Variants in ERICH5 observed in about 807,000 individuals in gnomAD.
ERICH5 encodes glutamate rich 5.
ERICH5 carries 24 observed loss-of-function variants against 28.0 expected under a neutral mutation model. The ratio of observed to expected loss-of-function variants is 0.86; its 90% CI spans 0.62 to 1.21. The LOEUF is 1.21. Among genes scored for constraint, ERICH5 ranks in the 50% most tolerant of loss-of-function variants. ERICH5 has a pLI of 0.00. For missense variants in ERICH5, 421 were observed against 441.2 expected, an observed-to-expected ratio of 0.95 and a Z score of 0.41; for synonymous variants, 163 against 157.6, an observed-to-expected ratio of 1.03 and a Z score of -0.25.
At chr8:98,073,806 G>A (rs1005272241) in intron 1 of ERICH5, among the ~76,000 whole-genome samples, 7 of 151,232 alleles carry the variant, frequency 4.6e-5, no homozygotes, top group African/African-American at 9.7e-5. Context: ...GCCTCCCAAA[G>A]TGTTGGGATT....
intron 1 of ERICH5, among the ~76,000 whole-genome samples, chr8:98,075,984 G>C (rs1040355399): frequency 6.6e-6 from 1 of 151,692 alleles, no homozygotes; most frequent in Non-Finnish European, 1.5e-5. Context: ...GACCGAACCT[G>C]GCAAGCAGCC....
Position 98,068,057 on chromosome 8 carries a change from A to G in ERICH5, c.58+3330A>G, listed in dbSNP as rs141303657. Among the ~76,000 whole-genome samples the G allele has an allele frequency of 5.1e-3, 774 of 151,372 alleles. 6 individuals carry two copies. The highest frequency in any genetic ancestry group is 0.018 in the African/African-American group (729 of 41,250). On this transcript the variant is annotated intron_variant, in intron 1 of 2. Coordinates refer to ENST00000318528, the MANE Select transcript of ERICH5 (RefSeq NM_173549.3). ...TAAAAAATTGAGACAGGGTCTTGCT[A>G]TGTTGCCCAGGCTGGTCTTGAACTT...
chr8:98,078,096 A>G (rs930271206), intron 1 of ERICH5, among the ~76,000 whole-genome samples: 12 of 152,186 alleles, frequency 7.9e-5, no homozygotes, highest in African/African-American at 2.9e-4. Flanking sequence ...TTTCTTCAAA[A>G]TGAGTGCCCT....
At chr8:98,084,500 C>T (rs1815238029) in intron 1 of ERICH5, among the ~76,000 whole-genome samples, 13 of 152,160 alleles carry the variant, frequency 8.5e-5, no homozygotes, top group Admixed American at 8.5e-4. Context: ...CCTGCCTCAG[C>T]CTCCCAAGTA....
At chr8:98,069,164 T>G (rs966613682) in intron 1 of ERICH5, among the ~76,000 whole-genome samples, 1 of 152,220 alleles carries the variant, frequency 6.6e-6, no homozygotes, top group African/African-American at 2.4e-5. Flanking sequence ...CCTTGTGTCA[T>G]TTCTGGAGCC....
chr8:98,093,228 A>C lies in ERICH5; in HGVS notation c.1020A>C (p.Thr340=). ...CTTTGGTTACTTTTCCAGGTGAGACAGGGGAAAAGGTGGAAACAGACATGG... is the reference window on the plus strand; with the variant it reads ...CTTTGGTTACTTTTCCAGGTGAGACCGGGGAAAAGGTGGAAACAGACATGG... ...NEEDQRIEGE[T]GEKVETDMEN... is the part of the protein sequence containing the mutation. Residue 340 remains threonine, a synonymous_variant, in exon 3 of 3, where the codon ACA becomes ACC. Coordinates refer to ENST00000318528, the MANE Select transcript of ERICH5 (RefSeq NM_173549.3). 1 of 1,610,266 alleles carries C rather than the reference A, an allele frequency of 6.2e-7. No homozygotes were observed. Among genetic ancestry groups the C allele is most frequent in the Non-Finnish European group, 8.5e-7 (1 of 1,177,194 alleles).
chr8:98,064,728 G>C lies in ERICH5; in HGVS notation c.58+1G>C. 2.6e-6 allele frequency: 4 copies of C among 1,530,062 alleles called. No homozygotes were observed. The highest frequency in any genetic ancestry group is 3.5e-6 in the Non-Finnish European group (4 of 1,141,602). The allele number at this position is 1,530,062 out of a possible 1,614,324, so 94.8% of individuals were successfully genotyped here. On this transcript the variant is annotated splice_donor_variant, in intron 1 of 2. Coordinates refer to ENST00000318528, the MANE Select transcript of ERICH5 (RefSeq NM_173549.3). LOFTEE classifies it high-confidence loss of function. ...GGCGACAGCAGCAGGTTCCCCAGCG[G>C]TGAGCAGGGTACCGGCGCCGCCCGC...
At chr8:98,065,539 T>A (rs534239635) in intron 1 of ERICH5, among the ~76,000 whole-genome samples, 6 of 152,184 alleles carry the variant, frequency 3.9e-5, no homozygotes, top group Non-Finnish European at 8.8e-5. Context: ...TTTGTAGAGA[T>A]TGAAGATAGA....
At chr8:98,070,288 C>T (rs765592269) in intron 1 of ERICH5, among the ~76,000 whole-genome samples, 24 of 151,782 alleles carry the variant, frequency 1.6e-4, no homozygotes, top group Non-Finnish European at 2.6e-4. Context: ...CTTGGGAGGC[C>T]GTAGTGGGAG....
At position 98,093,223 on chromosome 8, in the gene ERICH5, G is replaced by A. The variant is rs372309920; in HGVS notation, c.1015G>A (p.Glu339Lys). The change falls in exon 3 of 3, where the codon GAG (glutamate) becomes AAG (lysine). Residue 339 changes from glutamate to lysine, a missense_variant and splice_region_variant. Coordinates refer to ENST00000318528, the MANE Select transcript of ERICH5 (RefSeq NM_173549.3). ...TNEEDQRIEGETGEKVETDME... is the reference protein window; with the variant it reads ...TNEEDQRIEGKTGEKVETDME... ...ATCTCCTTTGGTTACTTTTCCAGGTGAGACAGGGGAAAAGGTGGAAACAGA... is the reference window on the plus strand; with the variant it reads ...ATCTCCTTTGGTTACTTTTCCAGGTAAGACAGGGGAAAAGGTGGAAACAGA... 3.5e-5 allele frequency: 57 copies of A among 1,608,164 alleles called. No homozygotes were observed. The highest frequency in any genetic ancestry group is 3.3e-4 in the Middle Eastern group (2 of 6,068).
intron 1 of ERICH5, among the ~76,000 whole-genome samples, chr8:98,073,556 T>TTTC (rs1814990978): frequency 2.2e-5 from 2 of 91,014 alleles, no homozygotes; most frequent in Admixed American, 1.6e-4. Context: ...AATTTTTTTT[T>TTTC]TTTTGAGGCA....
chr8:98,066,221 A>T (rs183475297), intron 1 of ERICH5, among the ~76,000 whole-genome samples: 1 of 152,328 alleles, frequency 6.6e-6, no homozygotes, highest in African/African-American at 2.4e-5. Flanking sequence ...GAAATTAAGT[A>T]GAGTTTTGCA....
intron 1 of ERICH5, among the ~76,000 whole-genome samples, chr8:98,079,656 C>T (rs536085814): frequency 8.5e-5 from 13 of 152,308 alleles, no homozygotes; most frequent in South Asian, 8.3e-4. Flanking sequence ...TCTCCTGCCT[C>T]GGCCTCCCGA....
chr8:98,085,919 G>A (rs1018131919), intron 1 of ERICH5, among the ~76,000 whole-genome samples: 1 of 152,202 alleles, frequency 6.6e-6, no homozygotes, highest in African/African-American at 2.4e-5. Flanking sequence ...GTTTTTGTTA[G>A]ATTACTGCTT....
At chr8:98,073,189 C>T (rs192627920) in intron 1 of ERICH5, among the ~76,000 whole-genome samples, 1 of 151,742 alleles carries the variant, frequency 6.6e-6, no homozygotes, top group Non-Finnish European at 1.5e-5. Flanking sequence ...CAGGTACTGA[C>T]CCTCTCCATG....
At chr8:98,091,896 CTTTCCTTTCTTT>C (rs1815402526) in intron 2 of ERICH5, among the ~76,000 whole-genome samples, 2 of 50,792 alleles carry the variant, frequency 3.9e-5, no homozygotes, top group African/African-American at 1.4e-4. Context: ...TTCTTTCTTT[CTTTCCTTTCTTT>C]CTTTCTTTCT....
intron 1 of ERICH5, among the ~76,000 whole-genome samples, chr8:98,064,974 G>T (rs1814794071): frequency 6.6e-6 from 1 of 152,240 alleles, no homozygotes; most frequent in African/African-American, 2.4e-5. Flanking sequence ...CGCGGGGCCC[G>T]AGGCCGGGCG....
Position 98,093,351 on chromosome 8 carries a change from C to T in ERICH5, c.*18C>T, listed in dbSNP as rs1815443965. The T allele has an allele frequency of 3.8e-6, 6 of 1,562,540 alleles. No individual in the cohort carries two copies. On this transcript the variant is annotated 3_prime_UTR_variant, in exon 3 of 3. Coordinates refer to ENST00000318528, the MANE Select transcript of ERICH5 (RefSeq NM_173549.3). ...CCACATAGATAGAAGAGTGAACCGA[C>T]ACAGTGTGTTATCATAGAGGAGACA...
In ERICH5 at chr8:98,090,108, T is replaced by A. The variant is rs919207965; in HGVS notation, c.1012+79T>A. 2.9e-6 allele frequency: 3 copies of A among 1,037,832 alleles called. No homozygotes were observed. In the South Asian group the frequency reaches 4.8e-5, roughly 17 times the overall value. 64.3% of individuals were successfully genotyped at this position (1,037,832 alleles called of 1,614,324 possible). ...GCTCTGGGGAGTGGGATGGGGTGAC[T>A]GACACACAGTCCCTGAAGTCACTTT... On this transcript the variant is annotated intron_variant, in intron 2 of 2. Coordinates refer to ENST00000318528, the MANE Select transcript of ERICH5 (RefSeq NM_173549.3).
Sources: allele counts gnomAD v4.1 joint callset (sites outside exome capture counted in the v4.1 genomes callset), GRCh38; gene constraint gnomAD v4.1.1; transcripts MANE v1.5; gene names NCBI Gene and HGNC (gene_info 2026-07-23, HGNC 2026-07-21).